The following GPR39 variants were observed in gnomAD, a reference collection of about 807,000 sequenced individuals.
GPR39 encodes the protein zinc sensing receptor.
Under a neutral mutation model 18.4 loss-of-function variants are expected in GPR39, and 23 were observed. The ratio of observed to expected loss-of-function variants is 1.25; its 90% CI spans 0.90 to 1.77. GPR39 has a LOEUF of 1.77. Ranked by LOEUF, GPR39 falls within the 40% of genes most tolerant of loss-of-function variation. The probability of loss-of-function intolerance (pLI) is 0.00; values close to 1 mark genes in which losing one functional copy is unlikely to be tolerated. For missense variants in GPR39, 647 were observed against 602.4 expected, an observed-to-expected ratio of 1.07 and a Z score of -0.78; for synonymous variants, 280 against 257.9, an observed-to-expected ratio of 1.09 and a Z score of -0.82.
intron 1 of GPR39, among the ~76,000 whole-genome samples, chr2:132,504,840 T>A: frequency 6.6e-6 from 1 of 152,222 alleles, no homozygotes; most frequent in East Asian, 1.9e-4. Context: ...TTTCTTGGTA[T>A]AAAAGAACAA....
chr2:132,445,886 G>C (rs556118088), intron 1 of GPR39, among the ~76,000 whole-genome samples: 3 of 152,268 alleles, frequency 2.0e-5, no homozygotes, highest in Non-Finnish European at 4.4e-5. Context: ...GGTCACCAGC[G>C]GGCTCAGGAG....
chr2:132,478,842 G>A (rs564678642), intron 1 of GPR39, among the ~76,000 whole-genome samples: 1 of 152,244 alleles, frequency 6.6e-6, no homozygotes, highest in South Asian at 2.1e-4. Context: ...GGAAAGGGAA[G>A]AGGAGTATTT....
chr2:132,570,322 A>G (rs900471581), intron 1 of GPR39, among the ~76,000 whole-genome samples: 2 of 152,036 alleles, frequency 1.3e-5, no homozygotes, highest in African/African-American at 4.8e-5. Flanking sequence ...GTTGGGCTCA[A>G]TATCTGCTCC....
At chr2:132,627,991 A>C (rs1048362526) in intron 1 of GPR39, among the ~76,000 whole-genome samples, 6 of 152,092 alleles carry the variant, frequency 3.9e-5, no homozygotes, top group African/African-American at 1.4e-4. Flanking sequence ...ACGCATCCCA[A>C]AGTGGCTCAG....
rs539861865 is a variant in GPR39 at position 132,561,012 on chromosome 2, C to T, written c.857-84089C>T. ...CATTGCAACCTCTGCCTCCAAGGCT[C>T]AAGTGATTCTTCTGCCTCTGCTTCC... On this transcript the variant is annotated intron_variant, in intron 1 of 1. Coordinates refer to ENST00000329321, the MANE Select transcript of GPR39 (RefSeq NM_001508.3). Among the ~76,000 whole-genome samples, 199 of 151,266 alleles carry T rather than the reference C, an allele frequency of 1.3e-3. 3 individuals carry two copies. The highest frequency in any genetic ancestry group is 4.4e-3 in the African/African-American group (181 of 41,140).
chr2:132,443,681 A>G (rs999622289), intron 1 of GPR39, among the ~76,000 whole-genome samples: 3 of 152,234 alleles, frequency 2.0e-5, no homozygotes, highest in African/African-American at 7.2e-5. Context: ...CTGAATTAAC[A>G]GAACACCCAG....
Position 132,531,930 on chromosome 2 carries a change from A to G in GPR39, c.857-113171A>G, listed in dbSNP as rs181998449. 7.0e-3 allele frequency among the ~76,000 whole-genome samples: 1,072 copies of G among 152,364 alleles called. 9 individuals are homozygous for G. The highest frequency in any genetic ancestry group is 8.3e-3 in the Non-Finnish European group (564 of 68,036). On this transcript the variant is annotated intron_variant, in intron 1 of 1. Transcript: ENST00000329321. ...ATAAAATTGACACCATAACATCACA[A>G]TTAAAAGAACTAGAGAAGCAAGAGC...
chr2:132,459,461 C>T (rs1480780529), intron 1 of GPR39, among the ~76,000 whole-genome samples: 1 of 152,182 alleles, frequency 6.6e-6, no homozygotes, highest in Non-Finnish European at 1.5e-5. Flanking sequence ...CCCTGACCAC[C>T]CATGCCTGAA....
chr2:132,574,602 G>A (rs936242239), intron 1 of GPR39, among the ~76,000 whole-genome samples: 2 of 152,112 alleles, frequency 1.3e-5, no homozygotes, highest in Non-Finnish European at 2.9e-5. Flanking sequence ...GGACATGATG[G>A]TGTGTACCTG....
intron 1 of GPR39, among the ~76,000 whole-genome samples, chr2:132,495,900 AGCC>A (rs1681633185): frequency 6.6e-6 from 1 of 151,542 alleles, no homozygotes; most frequent in African/African-American, 2.4e-5. Context: ...TTTAGTCCTT[AGCC>A]ACTGAAAATT....
Position 132,598,932 on chromosome 2 carries a change from G to A in GPR39, c.857-46169G>A, listed in dbSNP as rs1012429493. Reference sequence around the variant, plus strand: ...AGCATCCAGGCACGAGAAAGAAAGGGATGAGCTGCTGGAAAATGATGTAGC... The same window carrying A: ...AGCATCCAGGCACGAGAAAGAAAGGAATGAGCTGCTGGAAAATGATGTAGC... On this transcript the variant is annotated intron_variant, in intron 1 of 1. Coordinates refer to ENST00000329321, the MANE Select transcript of GPR39 (RefSeq NM_001508.3). Among the ~76,000 whole-genome samples, 4 of 152,044 alleles carry A rather than the reference G, an allele frequency of 2.6e-5. No individual in the cohort carries two copies. In the East Asian group the frequency reaches 7.7e-4, roughly 29 times the overall value.
chr2:132,616,570 CCTT>C (rs1430284347), intron 1 of GPR39, among the ~76,000 whole-genome samples: 1 of 152,166 alleles, frequency 6.6e-6, no homozygotes, highest in Admixed American at 6.5e-5. Context: ...GCTGGGTTGA[CCTT>C]CTGCAGAATA....
chr2:132,441,448 G>A (rs1183669251), intron 1 of GPR39, among the ~76,000 whole-genome samples: 1 of 151,654 alleles, frequency 6.6e-6, no homozygotes, highest in Non-Finnish European at 1.5e-5. Context: ...ACCATGGAAA[G>A]AACTGAAAAT....
At chr2:132,469,888 A>G (rs1238446351) in intron 1 of GPR39, among the ~76,000 whole-genome samples, 1 of 152,212 alleles carries the variant, frequency 6.6e-6, no homozygotes. Context: ...AGTTCTGTGC[A>G]TGAGGAAAAC....
chr2:132,552,465 A>G (rs140231809), intron 1 of GPR39, among the ~76,000 whole-genome samples: 77 of 152,220 alleles, frequency 5.1e-4, no homozygotes, highest in African/African-American at 1.4e-3. Flanking sequence ...CTAGAAGCCA[A>G]GCAGATGCCA....
chr2:132,452,820 A>G (rs904754293), intron 1 of GPR39, among the ~76,000 whole-genome samples: 1 of 150,476 alleles, frequency 6.6e-6, no homozygotes, highest in Non-Finnish European at 1.5e-5. Context: ...TTCTTTTTTT[A>G]TGGCTGCATA....
In GPR39 at chr2:132,585,736, G is replaced by A. The variant is rs184740517; in HGVS notation, c.857-59365G>A. ...GAACTGCTGGGGTTCTCGGAGGGCC[G>A]GACAGCCCGGTGTTTTCTAATAACT... On this transcript the variant is annotated intron_variant, in intron 1 of 1. Transcript: ENST00000329321. Among the ~76,000 whole-genome samples the A allele has an allele frequency of 3.0e-4, 46 of 152,124 alleles. No homozygotes were observed. In the East Asian group the frequency reaches 4.5e-3, roughly 15 times the overall value.
At position 132,537,136 on chromosome 2, in the gene GPR39, A is replaced by C. The variant is rs182257929; in HGVS notation, c.857-107965A>C. 1.8e-4 allele frequency among the ~76,000 whole-genome samples: 27 copies of C among 152,290 alleles called. 1 individual carries two copies. The highest frequency in any genetic ancestry group is 1.0e-3 in the Admixed American group (16 of 15,284). On this transcript the variant is annotated intron_variant, in intron 1 of 1. Transcript: ENST00000329321. ...ATGTTGCTATCTGGTTATTTTGCAC[A>C]CTAGTTGATGCAGTTTCTTCATAGT...
At chr2:132,627,006 A>G (rs1213196975) in intron 1 of GPR39, among the ~76,000 whole-genome samples, 3 of 152,200 alleles carry the variant, frequency 2.0e-5, no homozygotes, top group Admixed American at 6.5e-5. Flanking sequence ...AGAGCTTTTC[A>G]GGGAAGCCGC....
Sources: gnomAD v4.1 joint callset for allele counts (sites outside exome capture counted in the v4.1 genomes callset) on GRCh38, gnomAD v4.1.1 for gene constraint, MANE v1.5 for transcripts, NCBI Gene and HGNC (gene_info 2026-07-23, HGNC 2026-07-21) for gene names.